AVEN: variants seen among roughly 807,000 people sequenced by gnomAD.
AVEN encodes cell death regulator Aven.
Under a neutral mutation model 38.1 loss-of-function variants are expected in AVEN, and 41 were observed. That is an observed-to-expected ratio of 1.08 (90% CI 0.84 to 1.40). AVEN has a LOEUF of 1.40. Ranked by LOEUF, AVEN falls within the 40% of genes most tolerant of loss-of-function variation. The pLI, the probability that AVEN is intolerant of heterozygous loss-of-function variation, is 0.00. For missense variants in AVEN, 605 were observed against 438.8 expected, an observed-to-expected ratio of 1.38 and a Z score of -3.38; for synonymous variants, 206 against 171.8, an observed-to-expected ratio of 1.20 and a Z score of -1.56.
chr15:33,873,500 A>AAT (rs918256708), intron 3 of AVEN, among the ~76,000 whole-genome samples: 11 of 147,976 alleles, frequency 7.4e-5, no homozygotes, highest in South Asian at 2.1e-4. Flanking sequence ...TATAATATAT[A>AAT]ATATATATAT....
chr15:33,906,908 C>T (rs1036219740), intron 2 of AVEN, among the ~76,000 whole-genome samples: 1 of 150,816 alleles, frequency 6.6e-6, no homozygotes, highest in South Asian at 2.1e-4. Flanking sequence ...TATTTTAACA[C>T]AATTTTTAAA....
At chr15:33,914,029 C>T (rs957748817) in intron 2 of AVEN, among the ~76,000 whole-genome samples, 10 of 151,982 alleles carry the variant, frequency 6.6e-5, no homozygotes, top group Admixed American at 2.6e-4. Flanking sequence ...TCACAGCATA[C>T]GTAGAAGTTA....
At chr15:33,912,490 T>C (rs1892953282) in intron 2 of AVEN, among the ~76,000 whole-genome samples, 1 of 152,240 alleles carries the variant, frequency 6.6e-6, no homozygotes, top group Admixed American at 6.5e-5. Context: ...TTACTACCTA[T>C]AATGTTAAGG....
At chr15:33,860,695 T>G in intron 11 of AVEN, 1 of 1,410,116 alleles carries the variant, frequency 7.1e-7, no homozygotes, top group Non-Finnish European at 9.8e-7. Context: ...CAGCTCTATT[T>G]TAATATCCCC....
chr15:33,985,653 T>C (rs768957087), intron 2 of AVEN, among the ~76,000 whole-genome samples: 20 of 152,038 alleles, frequency 1.3e-4, no homozygotes, highest in African/African-American at 4.8e-5. Flanking sequence ...GTTGTAGGCA[T>C]TTCTGTACCC....
downstream of AVEN, chr15:33,861,230 C>T: frequency 7.6e-7 from 1 of 1,307,352 alleles, no homozygotes; most frequent in Non-Finnish European, 1.1e-6. Context: ...TAAATAAAGC[C>T]AATTAGGTCA....
intron 2 of AVEN, among the ~76,000 whole-genome samples, chr15:33,937,282 C>T (rs1332969590): frequency 2.0e-5 from 3 of 151,958 alleles, no homozygotes; most frequent in Non-Finnish European, 4.4e-5. Context: ...CGCCTGTAAT[C>T]CCAGCACTTT....
chr15:34,063,363 A>G lies in AVEN; in HGVS notation n.1196T>C. The G allele has an allele frequency of 6.2e-7, 1 of 1,614,106 alleles. No individual in the cohort carries two copies. The highest frequency in any genetic ancestry group is 8.5e-7 in the Non-Finnish European group (1 of 1,180,022). On this transcript the variant is annotated non_coding_transcript_exon_variant, in exon 5 of 12. Coordinates refer to the AVEN transcript ENST00000675287. This position sits in a 1 kb window ranked among gnomAD's most constrained non-coding sequence, Gnocchi z 4.1. ...TGTCATGACCATCCTCTACTGTCGA[A>G]TCTACCGGGAAACAGAGAAGCGAAC... is the stretch of plus-strand genomic sequence containing the variant.
intron 3 of AVEN, among the ~76,000 whole-genome samples, chr15:33,873,492 T>A (rs1891087223): frequency 1.4e-5 from 2 of 147,244 alleles, no homozygotes; most frequent in Admixed American, 6.8e-5. Flanking sequence ...TACATATATA[T>A]AATATATAAT....
chr15:33,860,560 C>T (rs968319474), intron 11 of AVEN: 9 of 1,391,696 alleles, frequency 6.5e-6, no homozygotes, highest in Admixed American at 6.0e-5. Context: ...TGAACCACTA[C>T]ACAGATTGCT....
chr15:33,963,640 T>A (rs1260525896), intron 2 of AVEN, among the ~76,000 whole-genome samples: 1 of 151,482 alleles, frequency 6.6e-6, no homozygotes, highest in African/African-American at 2.4e-5. Context: ...CTACTAAAAG[T>A]ACAAAAATTA....
chr15:33,936,426 TAATAA>T (rs989748472), intron 2 of AVEN, among the ~76,000 whole-genome samples: 2 of 152,128 alleles, frequency 1.3e-5, no homozygotes, highest in African/African-American at 4.8e-5. Context: ...CCTGAGAATA[TAATAA>T]AATATGTCAA....
upstream of AVEN, among the ~76,000 whole-genome samples, chr15:34,042,407 T>G (rs548179111): frequency 2.1e-4 from 31 of 150,788 alleles, no homozygotes; most frequent in East Asian, 9.7e-4. Context: ...TTTTTTTTTT[T>G]TTTTTTTTTT....
rs145092747 is a variant in AVEN at position 33,920,687 on chromosome 15, C to T, written c.446-44692G>A. Among the ~76,000 whole-genome samples, 450 of 152,310 alleles carry T rather than the reference C, an allele frequency of 3.0e-3. 3 individuals are homozygous for T. The highest frequency in any genetic ancestry group is 0.014 in the Middle Eastern group (4 of 294). On this transcript the variant is annotated intron_variant, in intron 2 of 5. Coordinates refer to ENST00000306730, the MANE Select transcript of AVEN (RefSeq NM_020371.3). ...ACTGTGCTCTTAAGGACAAGGGCCA[C>T]ACCTGATTCATCTCTGGATCTCTGG...
At chr15:34,052,724 G>T (rs1386143727) in intron 5 of AVEN, among the ~76,000 whole-genome samples, 1 of 152,070 alleles carries the variant, frequency 6.6e-6, no homozygotes, top group Admixed American at 6.6e-5. Context: ...GAGCCAAATC[G>T]TGAATGAATT....
At chr15:33,899,076 G>C (rs968110168) in intron 2 of AVEN, among the ~76,000 whole-genome samples, 5 of 152,086 alleles carry the variant, frequency 3.3e-5, no homozygotes, top group Non-Finnish European at 7.4e-5. Context: ...AAGGTAGGTG[G>C]GGACCAGATA....
chr15:34,020,943 C>A (rs1002330167), intron 1 of AVEN, among the ~76,000 whole-genome samples: 6 of 152,182 alleles, frequency 3.9e-5, no homozygotes, highest in African/African-American at 1.4e-4. Flanking sequence ...AGTCTATATG[C>A]ACACACTGAC....
At chr15:33,860,693 T>A (rs779188885) in intron 11 of AVEN, 1 of 1,419,196 alleles carries the variant, frequency 7.0e-7, no homozygotes, top group South Asian at 1.2e-5. Flanking sequence ...CCCAGCTCTA[T>A]TTTAATATCC....
intron 2 of AVEN, among the ~76,000 whole-genome samples, chr15:33,889,153 A>T (rs1157755306): frequency 6.6e-6 from 1 of 152,242 alleles, no homozygotes; most frequent in Non-Finnish European, 1.5e-5. Flanking sequence ...AACATCTTCC[A>T]GATTTCTAAA....
Sources: allele counts gnomAD v4.1 joint callset (sites outside exome capture counted in the v4.1 genomes callset), GRCh38; gene constraint gnomAD v4.1.1; non-coding constraint Gnocchi (gnomAD v3.1); transcripts MANE v1.5; gene names NCBI Gene and HGNC (gene_info 2026-07-23, HGNC 2026-07-21).